Variants in GUCA1A observed in about 807,000 individuals in gnomAD.
The protein encoded by GUCA1A is guanylyl cyclase-activating protein 1.
Under a neutral mutation model 18.5 loss-of-function variants are expected in GUCA1A, and 14 were observed. The ratio of observed to expected loss-of-function variants is 0.76; its 90% CI spans 0.50 to 1.18. The LOEUF (loss-of-function observed/expected upper bound fraction) is 1.18, where lower values mean the gene tolerates loss of function less well. GUCA1A is among the 50% of genes most tolerant of loss of function. The probability of loss-of-function intolerance (pLI) is 0.00; values close to 1 mark genes in which losing one functional copy is unlikely to be tolerated. For synonymous variants in GUCA1A, 97 were observed against 100.2 expected (o/e 0.97, Z 0.19); for missense variants, 264 against 262.4 (o/e 1.01, Z -0.04).
chr6:42,179,309 C>T lies in GUCA1A; in HGVS notation c.512C>T (p.Thr171Ile). Residue 171 changes from threonine to isoleucine, a missense_variant, in exon 4 of 4, where the codon ACA becomes ATA. Physicochemically the swap from Thr to Ile is moderately conservative, Grantham distance 89. Coordinates refer to ENST00000372958, the MANE Select transcript of GUCA1A (RefSeq NM_001384910.1). ...GACCAGATGCTCCTGGACACACTGA[C>T]ACGAAGCCTGGACCTTACCCGCATC... is the stretch of plus-strand genomic sequence containing the variant. The part of the protein sequence containing the change: ...QKDQMLLDTL[T>I]RSLDLTRIVR... 1 of 1,613,806 alleles carries T rather than the reference C, an allele frequency of 6.2e-7. No individual in the cohort carries two copies. The highest frequency in any genetic ancestry group is 8.5e-7 in the Non-Finnish European group (1 of 1,179,714).
chr6:42,176,140 G>C (rs534128963), intron 1 of GUCA1A, among the ~76,000 whole-genome samples: 1 of 152,320 alleles, frequency 6.6e-6, no homozygotes, highest in East Asian at 1.9e-4. Flanking sequence ...ACAGTGCCTG[G>C]ATTGTGGCAG....
chr6:42,178,367 A>G lies in GUCA1A; in HGVS notation c.289A>G (p.Lys97Glu). The G allele has an allele frequency of 6.2e-7, 1 of 1,614,078 alleles. No homozygotes were observed. The highest frequency in any genetic ancestry group is 2.2e-5 in the East Asian group (1 of 44,874). ...KVEQKLRWYFKLYDVDGNGCI... is the reference protein window; with the variant it reads ...KVEQKLRWYFELYDVDGNGCI... ...GGAACAGAAGCTCCGCTGGTACTTC[A>G]AGCTCTATGATGTAGATGGCAACGG... The change falls in exon 2 of 4, where the codon AAG (lysine) becomes GAG (glutamate). Residue 97 changes from lysine (K) to glutamate (E), a missense_variant. By Grantham distance (56) the Lys-to-Glu change is moderately conservative. Coordinates refer to ENST00000372958, the MANE Select transcript of GUCA1A (RefSeq NM_001384910.1).
At chr6:42,178,959 T>A (rs1293786467) in intron 3 of GUCA1A, 64 bp downstream of exon 3, 8 of 1,262,282 alleles carry the variant, frequency 6.3e-6, no homozygotes, top group Non-Finnish European at 9.3e-6. Flanking sequence ...TCACCAGGGG[T>A]GGAAGGTCAC....
In GUCA1A at chr6:42,178,401, A is replaced by T. The variant is rs1220520961; in HGVS notation, c.323A>T (p.Asp108Val). 6.2e-7 allele frequency: 1 copy of T among 1,614,020 alleles called. No homozygotes were observed. The highest frequency in any genetic ancestry group is 1.7e-5 in the Admixed American group (1 of 59,996). ...LYDVDGNGCI[D>V]RDELLTIIQA... ...GATGTAGATGGCAACGGCTGCATTG[A>T]CCGCGATGAGCTGCTCACCATCATC... Residue 108 changes from aspartate to valine, a missense_variant, in exon 2 of 4, where the codon GAC becomes GTC. Asp to Val is a radical substitution (Grantham distance 152, BLOSUM62 -3). Transcript: ENST00000372958.
At chr6:42,178,647 A>C (rs755924594) in intron 2 of GUCA1A, 155 bp from the exon 3 acceptor site, 1 of 817,170 alleles carries the variant, frequency 1.2e-6, no homozygotes, top group Non-Finnish European at 2.2e-6. Context: ...TAGAAGTTTG[A>C]CTCTTGAGTC....
At chr6:42,178,597 C>A (rs1302393579) in intron 2 of GUCA1A, 168 bp downstream of exon 2, 1 of 815,688 alleles carries the variant, frequency 1.2e-6, no homozygotes, top group South Asian at 1.4e-5. Flanking sequence ...CGTTCCTTCC[C>A]TTCCTTGGCC....
chr6:42,175,192 TA>T (rs1767920911), intron 1 of GUCA1A, among the ~76,000 whole-genome samples: 1 of 151,852 alleles, frequency 6.6e-6, no homozygotes, highest in Admixed American at 6.6e-5. Flanking sequence ...CCTCACACCT[TA>T]CCCCCAAACA....
At chr6:42,177,630 AG>A (rs1219647663) in intron 1 of GUCA1A, among the ~76,000 whole-genome samples, 1 of 152,110 alleles carries the variant, frequency 6.6e-6, no homozygotes, top group Non-Finnish European at 1.5e-5. Context: ...GAAGAGCAAA[AG>A]TATCCTCACC....
intron 1 of GUCA1A, among the ~76,000 whole-genome samples, chr6:42,175,175 G>A (rs547729467): frequency 6.6e-6 from 1 of 152,104 alleles, no homozygotes; most frequent in East Asian, 1.9e-4. Flanking sequence ...ACAAATGGAT[G>A]GTTGAGCCTC....
At chr6:42,178,155 G>C in intron 1 of GUCA1A, 125 bp from the exon 2 acceptor site, 2 of 1,128,236 alleles carry the variant, frequency 1.8e-6, no homozygotes, top group Non-Finnish European at 2.7e-6. Flanking sequence ...CGAGGGTCCG[G>C]GTCTCCCCTC....
Position 42,179,547 on chromosome 6 carries a change from G to A in GUCA1A, c.*144G>A. 2 of 661,392 alleles carry A rather than the reference G, an allele frequency of 3.0e-6. No homozygotes were observed. The highest frequency in any genetic ancestry group is 5.0e-6 in the Non-Finnish European group (2 of 398,672). 41.0% of individuals were successfully genotyped at this position (661,392 alleles called of 1,614,324 possible). The stretch of plus-strand genomic sequence containing the variant: ...TTAGGGTCCATGGTGGCAGCAGAGA[G>A]GCAGAAGTGGGAGTCCAGAGCCAGG... On this transcript the variant is annotated 3_prime_UTR_variant, in exon 4 of 4. Transcript: ENST00000372958.
chr6:42,178,086 G>C (rs1270538952), intron 1 of GUCA1A, among the ~76,000 whole-genome samples, 194 bp from the exon 2 acceptor site: 1 of 152,238 alleles, frequency 6.6e-6, no homozygotes, highest in Non-Finnish European at 1.5e-5. Flanking sequence ...GCTATACAGG[G>C]CGTCTAGGAA....
At position 42,179,536 on chromosome 6, in the gene GUCA1A, G is replaced by A; in HGVS notation, c.*133G>A. Reference sequence around the variant, plus strand: ...AGCTCGCCTCTTTAGGGTCCATGGTGGCAGCAGAGAGGCAGAAGTGGGAGT... The same window carrying A: ...AGCTCGCCTCTTTAGGGTCCATGGTAGCAGCAGAGAGGCAGAAGTGGGAGT... On this transcript the variant is annotated 3_prime_UTR_variant, in exon 4 of 4. Transcript: ENST00000372958. 1 of 738,516 alleles carries A rather than the reference G, an allele frequency of 1.4e-6. No homozygotes were observed. Among genetic ancestry groups the A allele is most frequent in the Non-Finnish European group, 2.1e-6 (1 of 466,430 alleles). 45.7% of individuals were successfully genotyped at this position (738,516 alleles called of 1,614,324 possible).
intron 3 of GUCA1A, 120 bp downstream of exon 3, chr6:42,179,015 G>A: frequency 2.1e-6 from 2 of 934,028 alleles, no homozygotes; most frequent in South Asian, 2.7e-5. Flanking sequence ...AGGCCCCCGT[G>A]CTGGTCACTT....
At chr6:42,179,003 A>G in intron 3 of GUCA1A, 108 bp downstream of exon 3, 1 of 993,020 alleles carries the variant, frequency 1.0e-6, no homozygotes, top group East Asian at 2.4e-5. Context: ...GGAGAGGCCC[A>G]AAGGCCCCCG....
intron 1 of GUCA1A, among the ~76,000 whole-genome samples, chr6:42,177,631 G>A (rs935610803): frequency 6.6e-6 from 1 of 152,034 alleles, no homozygotes; most frequent in African/African-American, 2.4e-5. Context: ...AAGAGCAAAA[G>A]TATCCTCACC....
chr6:42,177,733 T>C (rs1767995000), intron 1 of GUCA1A, among the ~76,000 whole-genome samples: 2 of 152,200 alleles, frequency 1.3e-5, no homozygotes, highest in South Asian at 4.1e-4. Flanking sequence ...TCTGTGCTGA[T>C]GACAGTCCTG....
At chr6:42,179,032 C>T (rs1476175900) in intron 3 of GUCA1A, 137 bp downstream of exon 3, 4 of 871,790 alleles carry the variant, frequency 4.6e-6, no homozygotes, top group East Asian at 2.5e-5. Flanking sequence ...ACTTCCTCCA[C>T]CTGCCTCTGC....
chr6:42,178,776 C>T, intron 2 of GUCA1A, 26 bp from the exon 3 acceptor site: 1 of 1,545,026 alleles, frequency 6.5e-7, no homozygotes, highest in East Asian at 2.2e-5. Flanking sequence ...GGGCCCCTCT[C>T]ACTTCTGCCC....
Sources: gnomAD v4.1 joint callset for allele counts (sites outside exome capture counted in the v4.1 genomes callset) on GRCh38, gnomAD v4.1.1 for gene constraint, MANE v1.5 for transcripts, NCBI Gene and HGNC (gene_info 2026-07-23, HGNC 2026-07-21) for gene names.